CSGALNACT1: variants seen among roughly 807,000 people sequenced by gnomAD.
The protein encoded by CSGALNACT1 is beta4GalNAcT-1.
A neutral mutation model predicts 51.0 loss-of-function variants in CSGALNACT1; 52 were observed. The ratio of observed to expected loss-of-function variants is 1.02; its 90% CI spans 0.82 to 1.29. The LOEUF is 1.29. Among genes scored for constraint, CSGALNACT1 ranks in the 50% most tolerant of loss-of-function variants. The pLI is 0.00. For missense variants in CSGALNACT1, 935 were observed against 679.2 expected (o/e 1.38, Z -4.19); for synonymous variants, 341 against 254.4 (o/e 1.34, Z -3.24).
intron 5 of CSGALNACT1, among the ~76,000 whole-genome samples, chr8:19,450,455 G>C (rs73585528): frequency 1.2e-3 from 182 of 152,234 alleles, no homozygotes; most frequent in African/African-American, 3.9e-3. Context: ...CACAGGTAGA[G>C]ACTGCAGAGA....
intron 1 of CSGALNACT1, among the ~76,000 whole-genome samples, chr8:19,714,243 C>T (rs1342846907): frequency 2.0e-5 from 3 of 152,200 alleles, no homozygotes; most frequent in African/African-American, 7.2e-5. Flanking sequence ...CCTTGAAAAG[C>T]AGCCTATACT....
chr8:19,630,190 GTC>G (rs1283913154), intron 1 of CSGALNACT1, among the ~76,000 whole-genome samples: 76 of 132,348 alleles, frequency 5.7e-4, no homozygotes, highest in Admixed American at 3.2e-3. Context: ...AAGTTCCCAC[GTC>G]TCTGTGTGTG....
Position 19,523,827 on chromosome 8 carries a change from G to T in CSGALNACT1, c.-296-17697C>A, listed in dbSNP as rs1437738647. ...TCTAAAAACAATGTTTATGTCAAGG[G>T]AATGTGATCAGTCATTCGCGATATA... On this transcript the variant is annotated intron_variant, in intron 3 of 9. Coordinates refer to ENST00000454498, the Ensembl canonical transcript of CSGALNACT1. 3.9e-5 allele frequency among the ~76,000 whole-genome samples: 6 copies of T among 152,140 alleles called. No homozygotes were observed. In the East Asian group the frequency reaches 9.6e-4, roughly 24 times the overall value.
At chr8:19,418,744 T>C (rs1405548799) in exon 8 of CSGALNACT1, 2 of 1,606,470 alleles carry the variant, frequency 1.2e-6, no homozygotes, top group Non-Finnish European at 1.7e-6. Flanking sequence ...ATAAAATACC[T>C]TCTTCCCTAC....
At chr8:19,666,793 AAGAAAGAAAGAAAGAAAGAG>A (rs1446875230) in intron 1 of CSGALNACT1, among the ~76,000 whole-genome samples, 2,159 of 35,630 alleles carry the variant, frequency 0.061, 117 homozygotes, top group Middle Eastern at 0.085. Context: ...GAAAGAAAGA[AAGAAAGAAAGAAAGAAAGAG>A]AGAGAGAGAG....
chr8:19,648,715 G>A (rs1188083253), intron 1 of CSGALNACT1, among the ~76,000 whole-genome samples: 1 of 152,138 alleles, frequency 6.6e-6, no homozygotes, highest in Non-Finnish European at 1.5e-5. Flanking sequence ...GAGGTGGGAG[G>A]ATCACCTGAG....
At chr8:19,508,318 T>C (rs994380073) in intron 3 of CSGALNACT1, among the ~76,000 whole-genome samples, 4 of 152,226 alleles carry the variant, frequency 2.6e-5, no homozygotes, top group Non-Finnish European at 5.9e-5. Context: ...GATATCACTA[T>C]GCCATCAAAA....
intron 1 of CSGALNACT1, among the ~76,000 whole-genome samples, chr8:19,636,827 A>G (rs1403632191): frequency 2.6e-5 from 4 of 152,212 alleles, no homozygotes; most frequent in East Asian, 1.9e-4. Flanking sequence ...TCACAGGTCA[A>G]TCAAAATCCT....
At chr8:19,592,946 A>G (rs946316705) in intron 2 of CSGALNACT1, among the ~76,000 whole-genome samples, 13 of 152,346 alleles carry the variant, frequency 8.5e-5, no homozygotes, top group Non-Finnish European at 4.4e-5. Flanking sequence ...TGGGTTTAAC[A>G]GGGTATTAAA....
chr8:19,662,428 C>T (rs1243080842), intron 1 of CSGALNACT1, among the ~76,000 whole-genome samples: 3 of 152,072 alleles, frequency 2.0e-5, no homozygotes, highest in African/African-American at 7.2e-5. Flanking sequence ...AAAACAATTA[C>T]AACAAGGTTT....
At chr8:19,736,328 A>G (rs973202539) in intron 1 of CSGALNACT1, among the ~76,000 whole-genome samples, 1 of 152,160 alleles carries the variant, frequency 6.6e-6, no homozygotes, top group South Asian at 2.1e-4. Context: ...TGTAACTTAC[A>G]CTGAATGGCC....
intron 4 of CSGALNACT1, among the ~76,000 whole-genome samples, chr8:19,470,576 G>A (rs2067904579): frequency 6.6e-6 from 1 of 152,294 alleles, no homozygotes; most frequent in Non-Finnish European, 1.5e-5. Context: ...ACTGGGAAGC[G>A]AGTGGCGGAA....
intron 1 of CSGALNACT1, among the ~76,000 whole-genome samples, chr8:19,626,589 C>G (rs1055021015): frequency 2.0e-5 from 3 of 152,146 alleles, no homozygotes; most frequent in African/African-American, 7.2e-5. Context: ...AATTTCAATT[C>G]ATTATAAATT....
intron 3 of CSGALNACT1, among the ~76,000 whole-genome samples, chr8:19,530,705 TG>T: frequency 6.6e-6 from 1 of 152,228 alleles, no homozygotes; most frequent in African/African-American, 2.4e-5. Context: ...CCCTTCAGCC[TG>T]GACAACAGAG....
intron 4 of CSGALNACT1, among the ~76,000 whole-genome samples, chr8:19,470,867 G>A (rs902674548): frequency 2.0e-5 from 3 of 152,122 alleles, no homozygotes; most frequent in African/African-American, 7.2e-5. Context: ...AGGCTGAGGT[G>A]GGCGGATCAC....
intron 1 of CSGALNACT1, among the ~76,000 whole-genome samples, chr8:19,737,592 T>C (rs1159434717): frequency 2.1e-5 from 3 of 141,842 alleles, no homozygotes; most frequent in African/African-American, 7.9e-5. Context: ...AAGAAAAAAA[T>C]TGGAAAAAGA....
At chr8:19,512,544 C>A (rs1343473695) in intron 3 of CSGALNACT1, among the ~76,000 whole-genome samples, 1 of 152,202 alleles carries the variant, frequency 6.6e-6, no homozygotes, top group Non-Finnish European at 1.5e-5. Context: ...CTCAACCATA[C>A]ACTATTTTTC....
At chr8:19,609,701 C>A (rs1490517937) in intron 1 of CSGALNACT1, among the ~76,000 whole-genome samples, 5 of 152,054 alleles carry the variant, frequency 3.3e-5, no homozygotes, top group African/African-American at 1.2e-4. Flanking sequence ...GCAGGAGGGT[C>A]AGATTACTGA....
intron 1 of CSGALNACT1, among the ~76,000 whole-genome samples, chr8:19,674,565 GGA>G (rs1379230831): frequency 6.6e-6 from 1 of 152,134 alleles, no homozygotes. Context: ...TGGGCAATGG[GGA>G]GAGATGACCC....
Sources: allele counts gnomAD v4.1 joint callset (sites outside exome capture counted in the v4.1 genomes callset), GRCh38; gene constraint gnomAD v4.1.1; transcripts MANE v1.5; gene names NCBI Gene and HGNC (gene_info 2026-07-23, HGNC 2026-07-21).